FAM174B: variants seen among roughly 807,000 people sequenced by gnomAD.
The protein encoded by FAM174B is family with sequence similarity 174 member B.
In FAM174B, 12 loss-of-function variants were observed where a neutral mutation model predicts 10.9. That is an observed-to-expected ratio of 1.10 (90% confidence interval 0.71 to 1.79). The LOEUF is 1.79. FAM174B is among the 40% of genes most tolerant of loss of function. The probability of loss-of-function intolerance (pLI) is 0.00; values close to 1 mark genes in which losing one functional copy is unlikely to be tolerated. For synonymous variants in FAM174B, 132 were observed against 115.8 expected (o/e 1.14, Z -0.90); for missense variants, 266 against 233.3 (o/e 1.14, Z -0.91).
In FAM174B at chr15:92,630,833, T is replaced by A. The variant is rs377304089; in HGVS notation, c.345-488A>T. ...TATTTTATATATTACATATTATATA[T>A]TATATATATTACATATTACATGTTA... On this transcript the variant is annotated intron_variant, in intron 1 of 2. Transcript: ENST00000327355. Among the ~76,000 whole-genome samples the A allele has an allele frequency of 1.0e-4, 4 of 39,582 alleles. 2 individuals carry two copies. The South Asian group carries it at 3.3e-3, about 32-fold the overall frequency. 26.0% of individuals were successfully genotyped at this position (39,582 alleles called of 152,430 possible). A position where few individuals can be genotyped will look rare whatever the true frequency, so the allele number is the denominator to read the frequency against.
chr15:92,621,925 T>C (rs1181414156), intron 2 of FAM174B, among the ~76,000 whole-genome samples: 1 of 152,082 alleles, frequency 6.6e-6, no homozygotes, highest in African/African-American at 2.4e-5. Context: ...GGAAGGTCAA[T>C]GTCGAGGATG....
intron 1 of FAM174B, among the ~76,000 whole-genome samples, chr15:92,642,790 AT>A (rs1226569653): frequency 6.6e-6 from 1 of 152,360 alleles, no homozygotes; most frequent in East Asian, 1.9e-4. Flanking sequence ...CTACTACAAT[AT>A]CTATCTATTG....
intron 2 of FAM174B, among the ~76,000 whole-genome samples, chr15:92,620,814 CA>C (rs34607670): frequency 0.24 from 16,590 of 70,580 alleles, 287 homozygotes; most frequent in Middle Eastern, 0.29. Flanking sequence ...GACTCTGTCT[CA>C]AAAAAAAAAA....
intron 1 of FAM174B, among the ~76,000 whole-genome samples, chr15:92,654,379 G>A (rs1008778212): frequency 6.6e-5 from 10 of 152,142 alleles, no homozygotes; most frequent in East Asian, 3.9e-4. Context: ...ACTTCCAGGC[G>A]GGCCTCAGTA....
chr15:92,645,434 A>G (rs1038461094), intron 1 of FAM174B: 3 of 152,224 alleles, frequency 2.0e-5, no homozygotes, highest in Non-Finnish European at 4.4e-5. Flanking sequence ...TCATTACACT[A>G]AAGTGTTTAG....
In FAM174B at chr15:92,617,571, C is replaced by G. The variant is rs2141943867; in HGVS notation, c.*1885G>C. The G allele has an allele frequency of 1.8e-6, 1 of 557,428 alleles. No individual in the cohort carries two copies. Among genetic ancestry groups the G allele is most frequent in the East Asian group, 3.4e-5 (1 of 29,734 alleles). The allele number at this position is 557,428 out of a possible 1,614,324, so 34.5% of individuals were successfully genotyped here. ...AGTGGCAAGCACCTGGCAGATGGAGCCCGGGTGTTTCTGCGTAAGGCAGAG... is the reference window on the plus strand; with the variant it reads ...AGTGGCAAGCACCTGGCAGATGGAGGCCGGGTGTTTCTGCGTAAGGCAGAG... On this transcript the variant is annotated 3_prime_UTR_variant, in exon 3 of 3. Coordinates refer to ENST00000327355, the MANE Select transcript of FAM174B (RefSeq NM_207446.3).
intron 1 of FAM174B, chr15:92,645,669 T>C (rs1439924053): frequency 6.6e-6 from 1 of 152,248 alleles, no homozygotes; most frequent in African/African-American, 2.4e-5. Context: ...GCAGAGAAGG[T>C]AGCCCCTAGG....
At chr15:92,636,828 G>A (rs562358146) in intron 1 of FAM174B, among the ~76,000 whole-genome samples, 34 of 152,258 alleles carry the variant, frequency 2.2e-4, no homozygotes, top group Non-Finnish European at 3.5e-4. Flanking sequence ...ACGCCTCACC[G>A]GAGTTCGCAG....
intron 1 of FAM174B, among the ~76,000 whole-genome samples, chr15:92,647,148 TAAATAC>T (rs1253386234): frequency 6.6e-6 from 1 of 152,252 alleles, no homozygotes; most frequent in Non-Finnish European, 1.5e-5. Context: ...AAGGGCTTAA[TAAATAC>T]TAGTTGCTAT....
At chr15:92,626,139 A>ACGGAGTCTCGCTCTTCCAC (rs373252541) in intron 2 of FAM174B, among the ~76,000 whole-genome samples, 1 of 137,398 alleles carries the variant, frequency 7.3e-6, no homozygotes, top group Non-Finnish European at 1.5e-5. Flanking sequence ...TTTTTTTGAG[A>ACGGAGTCTCGCTCTTCCAC]CCAGGCCGGA....
chr15:92,631,430 A>G (rs1361823179), intron 1 of FAM174B, among the ~76,000 whole-genome samples: 4 of 43,426 alleles, frequency 9.2e-5, no homozygotes, highest in Non-Finnish European at 1.6e-4. Flanking sequence ...AATATATAAT[A>G]TAATATATTA....
At chr15:92,629,268 A>T (rs575480681) in intron 2 of FAM174B, among the ~76,000 whole-genome samples, 4 of 152,170 alleles carry the variant, frequency 2.6e-5, no homozygotes, top group African/African-American at 7.2e-5. Flanking sequence ...TCTCAAAACT[A>T]TGCTCATCCT....
intron 1 of FAM174B, among the ~76,000 whole-genome samples, chr15:92,643,297 T>C (rs900021942): frequency 6.6e-6 from 1 of 150,618 alleles, no homozygotes; most frequent in Non-Finnish European, 1.5e-5. Context: ...GTGAATATAG[T>C]ATATAAGTTA....
intron 1 of FAM174B, among the ~76,000 whole-genome samples, chr15:92,654,760 C>A (rs1251951969): frequency 1.3e-5 from 2 of 149,558 alleles, no homozygotes; most frequent in Non-Finnish European, 3.0e-5. Context: ...TACTACCCCC[C>A]ACACTAGAAA....
chr15:92,655,303 C>G lies in FAM174B; in HGVS notation c.344+13G>C. Reference sequence around the variant, plus strand: ...TCGGCCGGCGGGGGAAGGAAGAGGGCGGGAGGGCCCACCTGAAGACGCGCA... The same window carrying G: ...TCGGCCGGCGGGGGAAGGAAGAGGGGGGGAGGGCCCACCTGAAGACGCGCA... On this transcript the variant is annotated intron_variant, in intron 1 of 2. Transcript: ENST00000327355. 6.5e-7 allele frequency: 1 copy of G among 1,540,318 alleles called. No homozygotes were observed. Among genetic ancestry groups the G allele is most frequent in the Non-Finnish European group, 8.8e-7 (1 of 1,142,348 alleles).
chr15:92,618,477 TTCCTAG>T lies in FAM174B; in HGVS notation c.*973_*978del, dbSNP rs1194677719. 1 of 152,326 alleles carries T rather than the reference TTCCTAG, an allele frequency of 6.6e-6. No homozygotes were observed. The highest frequency in any genetic ancestry group is 1.5e-5 in the Non-Finnish European group (1 of 68,124). The allele number at this position is 152,326 out of a possible 1,614,324, so 9.4% of individuals were successfully genotyped here. A position where few individuals can be genotyped will look rare whatever the true frequency, so the allele number is the denominator to read the frequency against. ...GTGGGGTCTCCTGGGTCCAGGTGGG[TTCCTAG>T]TCCAGCCCCGTCTAGACTGACTTCA... On this transcript the variant is annotated 3_prime_UTR_variant, in exon 3 of 3. Transcript: ENST00000327355.
intron 1 of FAM174B, among the ~76,000 whole-genome samples, chr15:92,652,452 G>A (rs894195167): frequency 4.6e-5 from 7 of 152,178 alleles, no homozygotes; most frequent in African/African-American, 9.7e-5. Context: ...AGCAGGAGGC[G>A]CACTGAGCAG....
chr15:92,655,512 C>T lies in FAM174B; in HGVS notation c.148G>A (p.Gly50Arg). Residue 50 changes from glycine (G) to arginine (R), a missense_variant, in exon 1 of 3, where the codon GGG becomes AGG. Transcript: ENST00000327355. ...ERESRPPPGP[G>R]PGNTTRFGSG... ...CCAAACCGGGTGGTGTTCCCGGGCC[C>T]CGGGCCGGGCGGTGGCCGCGACTCG... 6.7e-7 allele frequency: 1 copy of T among 1,501,388 alleles called. No individual in the cohort carries two copies. Among genetic ancestry groups the T allele is most frequent in the Non-Finnish European group, 8.9e-7 (1 of 1,125,766 alleles). The allele number at this position is 1,501,388 out of a possible 1,614,324, so 93.0% of individuals were successfully genotyped here. A position where few individuals can be genotyped will look rare whatever the true frequency, so the allele number is the denominator to read the frequency against.
rs985434258 is a variant in FAM174B at position 92,630,111 on chromosome 15, A to C, written c.476+103T>G. On this transcript the variant is annotated intron_variant, in intron 2 of 2. Transcript: ENST00000327355. ...CGTGCAGAACACCCCAGGACCCAAC[A>C]CTTCACTAAAAAACAAGAACACATG... 7.4e-5 allele frequency: 90 copies of C among 1,216,770 alleles called. 2 individuals are homozygous for C. In the Middle Eastern group the frequency reaches 1.1e-3, roughly 15 times the overall value. The allele number at this position is 1,216,770 out of a possible 1,614,324, so 75.4% of individuals were successfully genotyped here. A position where few individuals can be genotyped will look rare whatever the true frequency, so the allele number is the denominator to read the frequency against.
Sources: allele counts gnomAD v4.1 joint callset (sites outside exome capture counted in the v4.1 genomes callset), GRCh38; gene constraint gnomAD v4.1.1; transcripts MANE v1.5; gene names NCBI Gene and HGNC (gene_info 2026-07-23, HGNC 2026-07-21).